Variants in RNF150 observed in about 807,000 individuals in gnomAD.
RNF150 encodes the protein ring finger protein 150.
In RNF150, 24 loss-of-function variants were observed where a neutral mutation model predicts 39.3. That is an observed-to-expected ratio of 0.61 (90% confidence interval 0.44 to 0.86). The LOEUF (loss-of-function observed/expected upper bound fraction) is 0.86, where lower values mean the gene tolerates loss of function less well. Among genes scored for constraint, RNF150 ranks in the 40% least tolerant of loss-of-function variants. The probability of loss-of-function intolerance (pLI) is 0.00; values close to 1 mark genes in which losing one functional copy is unlikely to be tolerated. For missense variants in RNF150, 502 were observed against 587.8 expected, an observed-to-expected ratio of 0.85 and a Z score of 1.51; for synonymous variants, 255 against 227.3, an observed-to-expected ratio of 1.12 and a Z score of -1.10.
Position 140,926,371 on chromosome 4 carries a change from C to T in RNF150, c.891-298G>A, listed in dbSNP as rs12511709. Among the ~76,000 whole-genome samples the T allele has an allele frequency of 0.55, 84,138 of 152,014 alleles. 23,751 individuals are homozygous for T. Among genetic ancestry groups the T allele is most frequent in the East Asian group, 0.88 (4,558 of 5,174 alleles). On this transcript the variant is annotated intron_variant, in intron 4 of 6. Transcript: ENST00000515673. The stretch of plus-strand genomic sequence containing the variant: ...TCTTTTTCTCAATAGGAAGAAGCTC[C>T]AATGAAAATAATGCAAGTGGGGAAA...
chr4:141,075,120 C>T lies in RNF150; in HGVS notation c.484+57205G>A, dbSNP rs1396687933. Among the ~76,000 whole-genome samples, 7 of 152,308 alleles carry T rather than the reference C, an allele frequency of 4.6e-5. No homozygotes were observed. In the East Asian group the frequency reaches 5.8e-4, roughly 13 times the overall value. ...CCAAAGTCACCCAACTAAGGGAAGC[C>T]GGTTTCAGAGCTGACTCTAGAGCAG... On this transcript the variant is annotated intron_variant, in intron 1 of 6. Transcript: ENST00000515673.
intron 3 of RNF150, 85 bp from the exon 4 acceptor site, chr4:140,947,821 G>T: frequency 1.1e-6 from 1 of 887,146 alleles, no homozygotes. Flanking sequence ...AGGAGAGCTT[G>T]CCTGGAGCAA....
At chr4:141,098,682 A>T (rs1212239701) in intron 1 of RNF150, among the ~76,000 whole-genome samples, 1 of 152,198 alleles carries the variant, frequency 6.6e-6, no homozygotes, top group Non-Finnish European at 1.5e-5. Context: ...CTGTCCCAAT[A>T]ATAAAAACAA....
chr4:141,205,099 G>A (rs1728353420), intron 1 of RNF150, among the ~76,000 whole-genome samples: 2 of 152,088 alleles, frequency 1.3e-5, no homozygotes, highest in South Asian at 4.1e-4. Flanking sequence ...AATATTAACA[G>A]AATATTGATG....
At chr4:140,978,267 T>C (rs1733736139) in intron 1 of RNF150, among the ~76,000 whole-genome samples, 1 of 152,184 alleles carries the variant, frequency 6.6e-6, no homozygotes, top group South Asian at 2.1e-4. Flanking sequence ...CTGATGTTCC[T>C]GAAGTGCATT....
chr4:141,162,639 G>A (rs923582804), intron 1 of RNF150, among the ~76,000 whole-genome samples: 2 of 152,036 alleles, frequency 1.3e-5, no homozygotes, highest in African/African-American at 2.4e-5. Context: ...TAGAGAGTGG[G>A]TGCAGCCTAT....
intron 1 of RNF150, among the ~76,000 whole-genome samples, chr4:141,129,706 G>A (rs1403622822): frequency 6.6e-6 from 1 of 152,152 alleles, no homozygotes; most frequent in African/African-American, 2.4e-5. Flanking sequence ...GTGTCTTTTT[G>A]AATGAGAAGT....
intron 6 of RNF150, among the ~76,000 whole-genome samples, chr4:140,886,206 A>AAG (rs1205288460): frequency 9.2e-5 from 14 of 151,894 alleles, no homozygotes; most frequent in African/African-American, 3.4e-4. Flanking sequence ...AAAAAAAAAA[A>AAG]AAAAAGAAAA....
intron 6 of RNF150, among the ~76,000 whole-genome samples, chr4:140,882,839 T>C (rs1001462179): frequency 1.3e-5 from 2 of 152,182 alleles, no homozygotes; most frequent in African/African-American, 4.8e-5. Context: ...AGACGGCATA[T>C]AGTTACCTTT....
intron 1 of RNF150, among the ~76,000 whole-genome samples, chr4:141,013,667 C>T (rs1276343472): frequency 6.6e-6 from 1 of 152,154 alleles, no homozygotes; most frequent in African/African-American, 2.4e-5. Context: ...TAGAGAAAAG[C>T]ATGCTGAATT....
At chr4:141,115,448 C>A (rs939734293) in intron 1 of RNF150, among the ~76,000 whole-genome samples, 2 of 152,094 alleles carry the variant, frequency 1.3e-5, no homozygotes, top group Non-Finnish European at 2.9e-5. Flanking sequence ...ATGTGAAGGA[C>A]CTCTTCAAGG....
chr4:141,066,411 CAG>C (rs1737464017), intron 1 of RNF150, among the ~76,000 whole-genome samples: 1 of 152,134 alleles, frequency 6.6e-6, no homozygotes, highest in South Asian at 2.1e-4. Context: ...AATAAGCAAA[CAG>C]AAATTAGACA....
chr4:140,912,513 T>C (rs1489943267), intron 5 of RNF150, among the ~76,000 whole-genome samples: 1 of 152,168 alleles, frequency 6.6e-6, no homozygotes, highest in Non-Finnish European at 1.5e-5. Context: ...ACTGTTGTTT[T>C]CCAAGTTCAT....
At chr4:140,925,939 G>C (rs2111321311) in intron 5 of RNF150, 38 bp downstream of exon 5, 1 of 1,421,882 alleles carries the variant, frequency 7.0e-7, no homozygotes, top group Non-Finnish European at 9.9e-7. Flanking sequence ...AACGCAGAAA[G>C]ACAGACATTA....
chr4:141,101,238 T>C (rs1463284747), intron 1 of RNF150, among the ~76,000 whole-genome samples: 3 of 152,232 alleles, frequency 2.0e-5, no homozygotes, highest in Admixed American at 1.3e-4. Context: ...TTAAAACACA[T>C]GTTGTACAGC....
At chr4:140,957,511 G>A (rs1165525306) in intron 2 of RNF150, among the ~76,000 whole-genome samples, 1 of 152,170 alleles carries the variant, frequency 6.6e-6, no homozygotes, top group Non-Finnish European at 1.5e-5. Context: ...CAGGGATCTA[G>A]AACTAGAAAT....
intron 1 of RNF150, among the ~76,000 whole-genome samples, chr4:141,130,707 A>G (rs1726872633): frequency 6.6e-6 from 1 of 152,206 alleles, no homozygotes; most frequent in Non-Finnish European, 1.5e-5. Context: ...AGAACAACAA[A>G]AACAAAAAAG....
intron 1 of RNF150, among the ~76,000 whole-genome samples, chr4:141,037,009 C>T (rs1736173358): frequency 6.6e-6 from 1 of 152,152 alleles, no homozygotes; most frequent in African/African-American, 2.4e-5. Flanking sequence ...CCTCTTACTC[C>T]CTTGGCCTTG....
At chr4:141,025,274 A>G (rs1037730730) in intron 1 of RNF150, among the ~76,000 whole-genome samples, 3 of 152,178 alleles carry the variant, frequency 2.0e-5, no homozygotes, top group Non-Finnish European at 4.4e-5. Context: ...ACCTGAAATG[A>G]TGAATATAGT....
Sources: gnomAD v4.1 joint callset for allele counts (sites outside exome capture counted in the v4.1 genomes callset) on GRCh38, gnomAD v4.1.1 for gene constraint, MANE v1.5 for transcripts, NCBI Gene and HGNC (gene_info 2026-07-23, HGNC 2026-07-21) for gene names.